CCL4: variants seen among roughly 807,000 people sequenced by gnomAD.
CCL4 encodes the protein C-C motif chemokine ligand 4.
Under a neutral mutation model 10.3 loss-of-function variants are expected in CCL4, and 8 were observed. The observed-to-expected ratio is 0.77, with a 90% confidence interval of 0.45 to 1.39. CCL4 has a LOEUF of 1.39. CCL4 is among the 40% of genes most tolerant of loss of function. The pLI, the probability that CCL4 is intolerant of heterozygous loss-of-function variation, is 0.00. For missense variants in CCL4, 106 were observed against 111.2 expected (o/e 0.95, Z 0.21); for synonymous variants, 35 against 44.3 (o/e 0.79, Z 0.83).
Position 36,105,215 on chromosome 17 carries a change from T to C in CCL4, c.192-10T>C. 1 of 1,611,894 alleles carries C rather than the reference T, an allele frequency of 6.2e-7. No individual in the cohort carries two copies. The highest frequency in any genetic ancestry group is 1.1e-5 in the South Asian group (1 of 91,038). On this transcript the variant is annotated splice_polypyrimidine_tract_variant and intron_variant, in intron 2 of 2. Coordinates refer to ENST00000615863, the MANE Select transcript of CCL4 (RefSeq NM_002984.4). ...ATGAGATTCTAATCTGTCCGCTCCT[T>C]GTTCTACAGATTCCAAACCAAAAGA...
intron 2 of CCL4, 157 bp downstream of exon 2, chr17:36,104,799 CT>C: frequency 3.1e-6 from 3 of 966,584 alleles, no homozygotes; most frequent in Non-Finnish European, 3.2e-6. Context: ...CATGAACTCA[CT>C]TTTCAAGTGC....
chr17:36,104,087 G>C, intron 1 of CCL4, 106 bp downstream of exon 1: 2 of 1,290,088 alleles, frequency 1.6e-6, no homozygotes, highest in Non-Finnish European at 2.3e-6. Flanking sequence ...ACAAAAGGCA[G>C]CTAGGAAGAT....
intron 2 of CCL4, 134 bp from the exon 3 acceptor site, chr17:36,105,091 T>A: frequency 1.0e-6 from 1 of 975,234 alleles, no homozygotes. Flanking sequence ...CTTCCAGTGC[T>A]GCTCCAGGAA....
In CCL4 at chr17:36,105,014, G is replaced by T. The variant is rs935720869; in HGVS notation, c.192-211G>T. The T allele has an allele frequency of 1.6e-5, 12 of 727,312 alleles. No homozygotes were observed. The African/African-American group carries it at 1.7e-4, about 11-fold the overall frequency. The allele number at this position is 727,312 out of a possible 1,614,324, so 45.1% of individuals were successfully genotyped here. Reference sequence around the variant, plus strand: ...TTCATATTGATTGCAATGCCCCTTGGTTCCTAATCTGGGCAACTCCTGGGG... The same window carrying T: ...TTCATATTGATTGCAATGCCCCTTGTTTCCTAATCTGGGCAACTCCTGGGG... On this transcript the variant is annotated intron_variant, in intron 2 of 2. Coordinates refer to ENST00000615863, the MANE Select transcript of CCL4 (RefSeq NM_002984.4).
In CCL4 at chr17:36,105,417, C is replaced by A; in HGVS notation, c.*105C>A. On this transcript the variant is annotated 3_prime_UTR_variant, in exon 3 of 3. Transcript: ENST00000615863. ...CAGGACTCCTCTCCGCAGTTCCTGT[C>A]CCTTCTCTTAATTTAATCTTTTTTA... The A allele has an allele frequency of 9.0e-7, 1 of 1,107,538 alleles. No homozygotes were observed. 68.6% of individuals were successfully genotyped at this position (1,107,538 alleles called of 1,614,324 possible). A position where few individuals can be genotyped will look rare whatever the true frequency, so the allele number is the denominator to read the frequency against.
Position 36,105,379 on chromosome 17 carries a change from TCTC to T in CCL4, c.*72_*74del. On this transcript the variant is annotated 3_prime_UTR_variant, in exon 3 of 3. Coordinates refer to ENST00000615863, the MANE Select transcript of CCL4 (RefSeq NM_002984.4). ...CCCGGATGCTTCTCCATGAGACACATCTCCTCCATACTCAGGACTCCTCTCCGC... is the reference window on the plus strand; with the variant it reads ...CCCGGATGCTTCTCCATGAGACACATCTCCATACTCAGGACTCCTCTCCGC... The T allele has an allele frequency of 4.7e-6, 7 of 1,488,126 alleles. No homozygotes were observed. The highest frequency in any genetic ancestry group is 3.4e-5 in the South Asian group (3 of 88,396). The allele number at this position is 1,488,126 out of a possible 1,614,324, so 92.2% of individuals were successfully genotyped here.
rs751841923 is a variant in CCL4, at chr17:36,103,991, C to G, written c.76+10C>G. 2.5e-6 allele frequency: 4 copies of G among 1,613,972 alleles called. No homozygotes were observed. Among genetic ancestry groups the G allele is most frequent in the Non-Finnish European group, 3.4e-6 (4 of 1,179,862 alleles). ...GCGCTCTCAGCACCAAGTAAGTCTA[C>G]TTTTGCAGCTGCTATTTCGAGTCAA... is the stretch of plus-strand genomic sequence containing the variant. On this transcript the variant is annotated intron_variant, in intron 1 of 2. Coordinates refer to ENST00000615863, the MANE Select transcript of CCL4 (RefSeq NM_002984.4).
Position 36,105,432 on chromosome 17 carries a change from A to C in CCL4, c.*120A>C. ...CAGTTCCTGTCCCTTCTCTTAATTT[A>C]ATCTTTTTTATGTGCCGTGTTATTG... On this transcript the variant is annotated 3_prime_UTR_variant, in exon 3 of 3. Transcript: ENST00000615863. The C allele has an allele frequency of 1.0e-6, 1 of 1,001,158 alleles. No individual in the cohort carries two copies. Among genetic ancestry groups the C allele is most frequent in the Admixed American group, 2.0e-5 (1 of 50,268 alleles). The allele number at this position is 1,001,158 out of a possible 1,614,324, so 62.0% of individuals were successfully genotyped here. A position where few individuals can be genotyped will look rare whatever the true frequency, so the allele number is the denominator to read the frequency against.
At chr17:36,104,846 G>A (rs1338257736) in intron 2 of CCL4, 2 of 727,318 alleles carry the variant, frequency 2.7e-6, no homozygotes, top group East Asian at 5.4e-5. Context: ...AGAGAAGGGG[G>A]TTGCTGGGGA....
chr17:36,104,539 C>G lies in CCL4; in HGVS notation c.88C>G (p.Pro30Ala). The G allele has an allele frequency of 6.2e-7, 1 of 1,611,916 alleles. No individual in the cohort carries two copies. The highest frequency in any genetic ancestry group is 8.5e-7 in the Non-Finnish European group (1 of 1,179,802). ...GCCTTTCCTTTCAGTGGGCTCAGACCCTCCCACCGCCTGCTGCTTTTCTTA... is the reference window on the plus strand; with the variant it reads ...GCCTTTCCTTTCAGTGGGCTCAGACGCTCCCACCGCCTGCTGCTTTTCTTA... ...PALSAPMGSD[P>A]PTACCFSYTA... The change falls in exon 2 of 3, where the codon CCT becomes GCT. Residue 30 changes from proline to alanine, a missense_variant. Pro to Ala is a conservative substitution (Grantham distance 27). Coordinates refer to ENST00000615863, the MANE Select transcript of CCL4 (RefSeq NM_002984.4).
chr17:36,104,258 G>C (rs2067141859), intron 1 of CCL4: 1 of 703,136 alleles, frequency 1.4e-6, no homozygotes. Flanking sequence ...GCAAGCCCCT[G>C]TCCCTCTCTG....
chr17:36,104,405 G>C (rs1272315848), intron 1 of CCL4, 123 bp from the exon 2 acceptor site: 1 of 1,124,038 alleles, frequency 8.9e-7, no homozygotes, highest in African/African-American at 1.5e-5. Flanking sequence ...CTCATGTTAG[G>C]TGGGAATGGA....
At position 36,103,965 on chromosome 17, in the gene CCL4, A is replaced by G. The variant is rs2067139518; in HGVS notation, c.60A>G (p.Pro20=). 6.2e-7 allele frequency: 1 copy of G among 1,613,966 alleles called. No homozygotes were observed. The highest frequency in any genetic ancestry group is 8.5e-7 in the Non-Finnish European group (1 of 1,179,862). ...LLMLVAAFCS[P]ALSAPMGSDP... ...TGCTAGTAGCTGCCTTCTGCTCTCC[A>G]GCGCTCTCAGCACCAAGTAAGTCTA... Residue 20 remains proline (P), a synonymous_variant, in exon 1 of 3, where the codon CCA becomes CCG. Transcript: ENST00000615863.
At chr17:36,104,345 T>C in intron 1 of CCL4, 183 bp from the exon 2 acceptor site, 1 of 747,000 alleles carries the variant, frequency 1.3e-6, no homozygotes, top group East Asian at 2.7e-5. Flanking sequence ...ATCTTCTAGA[T>C]TTCTTTCTCG....
chr17:36,104,834 A>G (rs2067147667), intron 2 of CCL4, 192 bp downstream of exon 2: 1 of 775,706 alleles, frequency 1.3e-6, no homozygotes, highest in Non-Finnish European at 2.2e-6. Context: ...GTGGGAGCCG[A>G]GAGAGAAGGG....
rs200881527 is a variant in CCL4, at chr17:36,104,569, G to T, written c.118G>T (p.Ala40Ser). 6.0e-5 allele frequency: 97 copies of T among 1,612,716 alleles called. No homozygotes were observed. The highest frequency in any genetic ancestry group is 8.0e-5 in the Non-Finnish European group (94 of 1,179,834). The change falls in exon 2 of 3, where the codon GCG becomes TCG. Residue 40 changes from alanine (A) to serine (S), a missense_variant. Physicochemically the swap from Ala to Ser is moderately conservative, Grantham distance 99 (BLOSUM62 1). Transcript: ENST00000615863. ...CACCGCCTGCTGCTTTTCTTACACC[G>T]CGAGGAAGCTTCCTCGCAACTTTGT... ...PPTACCFSYTARKLPRNFVVD... is the reference protein window; with the variant it reads ...PPTACCFSYTSRKLPRNFVVD...
chr17:36,104,915 A>G, intron 2 of CCL4: 1 of 696,128 alleles, frequency 1.4e-6, no homozygotes, highest in Non-Finnish European at 2.6e-6. Flanking sequence ...TGAGATATGG[A>G]CCGATTCCTT....
chr17:36,104,119 A>C, intron 1 of CCL4, 138 bp downstream of exon 1: 2 of 992,918 alleles, frequency 2.0e-6, no homozygotes, highest in Non-Finnish European at 3.3e-6. Context: ...CTGCTGCTAA[A>C]TGTAGAGTCT....
At chr17:36,104,271 C>T in intron 1 of CCL4, 1 of 703,240 alleles carries the variant, frequency 1.4e-6, no homozygotes. Context: ...CCTCTCTGTG[C>T]CTTGGTTTCC....
Sources: allele counts gnomAD v4.1 joint callset, GRCh38; gene constraint gnomAD v4.1.1; transcripts MANE v1.5; gene names NCBI Gene and HGNC (gene_info 2026-07-23, HGNC 2026-07-21).